AKR1C2: variants seen among roughly 807,000 people sequenced by gnomAD.
AKR1C2 encodes the protein aldo-keto reductase family 1 member C2, also known as 3-alpha-HSD3.
Under a neutral mutation model 39.8 loss-of-function variants are expected in AKR1C2, and 27 were observed. The ratio of observed to expected loss-of-function variants is 0.68; its 90% CI spans 0.50 to 0.93. The LOEUF is 0.93. Among genes scored for constraint, AKR1C2 ranks in the 40% least tolerant of loss-of-function variants. The pLI is 0.00. For synonymous variants in AKR1C2, 114 were observed against 137.9 expected (o/e 0.83, Z 1.22); for missense variants, 263 against 365.1 (o/e 0.72, Z 2.28).
chr10:5,001,969 G>A (rs782081784), intron 1 of AKR1C2, among the ~76,000 whole-genome samples: 19 of 152,158 alleles, frequency 1.2e-4, no homozygotes, highest in Non-Finnish European at 2.5e-4. Context: ...TCAACAGGAC[G>A]CAACTATAGT....
Position 4,995,393 on chromosome 10 carries a change from G to C in AKR1C2, c.772C>G (p.Arg258Gly). 1 of 1,593,364 alleles carries C rather than the reference G, an allele frequency of 6.3e-7. No individual in the cohort carries two copies. The highest frequency in any genetic ancestry group is 1.4e-5 in the African/African-American group (1 of 73,832). Residue 258 changes from arginine (R) to glycine (G), a missense_variant, in exon 7 of 9, where the codon CGC becomes GGC. By Grantham distance (125) the Arg-to-Gly change is moderately radical. Around this residue, in one of 3 missense-constraint regions of AKR1C2, gnomAD observed 5 missense variants for 74.0 expected, o/e 0.07. Coordinates refer to ENST00000380753, the MANE Select transcript of AKR1C2 (RefSeq NM_001393392.1). The stretch of plus-strand genomic sequence containing the variant: ...ACAACCCCACGCTGCAGCTGGTAGC[G>C]CAGGGCAATCAGGGCTGGGGTTCGC... ...HKRTPALIAL[R>G]YQLQRGVVVL...
At chr10:4,990,177 T>C in intron 8 of AKR1C2, 139 bp from the exon 9 acceptor site, 1 of 898,570 alleles carries the variant, frequency 1.1e-6, no homozygotes. Flanking sequence ...TCTGTGTTTC[T>C]TTGTTTAATG....
chr10:5,006,724 A>G (rs1238805591), upstream of AKR1C2: 1 of 150,276 alleles, frequency 6.7e-6, no homozygotes, highest in African/African-American at 2.4e-5. Context: ...GATATATTTA[A>G]TGTGATCAAT....
chr10:4,992,571 G>C (rs1461770586), intron 7 of AKR1C2, among the ~76,000 whole-genome samples: 2 of 152,272 alleles, frequency 1.3e-5, no homozygotes, highest in South Asian at 2.1e-4. Context: ...ATGTAGGTAA[G>C]AAGATTTGTT....
intron 3 of AKR1C2, chr10:5,000,313 G>C (rs1588304421): frequency 6.7e-7 from 1 of 1,495,122 alleles, no homozygotes; most frequent in African/African-American, 1.4e-5. Context: ...TCAAGTTTTT[G>C]AGGCAGAGGC....
chr10:5,005,425 G>A (rs1208929334), upstream of AKR1C2, among the ~76,000 whole-genome samples: 1 of 152,152 alleles, frequency 6.6e-6, no homozygotes, highest in African/African-American at 2.4e-5. Flanking sequence ...GTTCACACCT[G>A]TAATCCCAGC....
intron 1 of AKR1C2, among the ~76,000 whole-genome samples, chr10:5,002,087 C>T (rs1425786342): frequency 2.0e-5 from 3 of 152,214 alleles, no homozygotes; most frequent in Non-Finnish European, 4.4e-5. Context: ...GATTCCTCTC[C>T]CACCATGTTG....
intron 5 of AKR1C2, among the ~76,000 whole-genome samples, chr10:4,996,553 T>TATATAC (rs1273979591): frequency 6.8e-6 from 1 of 147,022 alleles, no homozygotes; most frequent in Non-Finnish European, 1.5e-5. Flanking sequence ...ATATAATATA[T>TATATAC]ATATATATGC....
upstream of AKR1C2, chr10:5,006,099 G>T (rs1224650933): frequency 6.6e-6 from 1 of 152,174 alleles, no homozygotes; most frequent in Non-Finnish European, 1.5e-5. Context: ...GGTCCTAAGG[G>T]ACTTATGGGA....
chr10:4,998,638 G>T lies in AKR1C2; in HGVS notation c.557C>A (p.Pro186His). ...ILNKPGLKYK[P>H]VCNQVECHPY... ...GAGGGCGCTCACCTGGTTGCAGACA[G>T]GCTTGTACTTGAGCCCTGGCTTGTT... The change falls in exon 5 of 9, where the codon CCT (proline) becomes CAT (histidine). Residue 186 changes from proline (P) to histidine (H), a missense_variant. This residue lies in a region of AKR1C2 where 247 missense variants were observed against 267.9 expected (regional missense o/e 0.92). Coordinates refer to ENST00000380753, the MANE Select transcript of AKR1C2 (RefSeq NM_001393392.1). 1.2e-6 allele frequency: 2 copies of T among 1,614,142 alleles called. No homozygotes were observed. The highest frequency in any genetic ancestry group is 1.7e-6 in the Non-Finnish European group (2 of 1,180,008).
upstream of AKR1C2, among the ~76,000 whole-genome samples, chr10:5,005,661 G>A (rs572917539): frequency 1.3e-5 from 2 of 152,122 alleles, no homozygotes; most frequent in South Asian, 4.1e-4. Flanking sequence ...CCATTCTGGT[G>A]ACAGAGCAAG....
At chr10:5,001,411 A>C in intron 2 of AKR1C2, 103 bp downstream of exon 2, 1 of 1,519,392 alleles carries the variant, frequency 6.6e-7, no homozygotes, top group Non-Finnish European at 8.8e-7. Flanking sequence ...ATCGAAATAA[A>C]TAAGCACAAT....
intron 1 of AKR1C2, among the ~76,000 whole-genome samples, chr10:5,011,783 A>T (rs1554774939): frequency 6.6e-6 from 1 of 152,264 alleles, no homozygotes; most frequent in African/African-American, 2.4e-5. Flanking sequence ...AGACCCAATG[A>T]CTGCAACCCT....
intron 7 of AKR1C2, among the ~76,000 whole-genome samples, chr10:4,993,799 A>T (rs1330662303): frequency 6.6e-6 from 1 of 151,370 alleles, no homozygotes; most frequent in Non-Finnish European, 1.5e-5. Flanking sequence ...TATATATTAT[A>T]TAACACATAT....
Position 4,989,643 on chromosome 10 carries a change from C to T in AKR1C2, c.*353G>A. 3.8e-6 allele frequency: 1 copy of T among 264,584 alleles called. No homozygotes were observed. Among genetic ancestry groups the T allele is most frequent in the Non-Finnish European group, 7.1e-6 (1 of 140,652 alleles). 16.4% of individuals were successfully genotyped at this position (264,584 alleles called of 1,614,324 possible). ...CAGAGGGTGAAACTCCACCCACTCC[C>T]ACTGCAGAAATGAATCTTAAATGGT... On this transcript the variant is annotated 3_prime_UTR_variant, in exon 9 of 9. Transcript: ENST00000380753.
At chr10:4,997,806 G>C (rs1554773273) in intron 5 of AKR1C2, among the ~76,000 whole-genome samples, 1 of 152,310 alleles carries the variant, frequency 6.6e-6, no homozygotes, top group South Asian at 2.1e-4. Flanking sequence ...TTTTAATGCT[G>C]AAATGTGTGT....
At chr10:5,003,025 A>G (rs1837318408) in intron 1 of AKR1C2, among the ~76,000 whole-genome samples, 1 of 152,222 alleles carries the variant, frequency 6.6e-6, no homozygotes, top group African/African-American at 2.4e-5. Context: ...CAGTCTTGAG[A>G]TACAAGTTTT....
upstream of AKR1C2, chr10:5,003,963 C>T: frequency 3.1e-6 from 2 of 639,020 alleles, no homozygotes; most frequent in Non-Finnish European, 5.6e-6. Context: ...GGGACAGAGG[C>T]AGTCTTACAC....
intron 7 of AKR1C2, among the ~76,000 whole-genome samples, chr10:4,994,280 C>A (rs767536267): frequency 3.3e-5 from 5 of 151,302 alleles, no homozygotes; most frequent in Admixed American, 6.6e-5. Context: ...TATATATATT[C>A]ATATTCATAC....
Sources: gnomAD v4.1 joint callset for allele counts (sites outside exome capture counted in the v4.1 genomes callset) on GRCh38, gnomAD v4.1.1 for gene constraint, gnomAD v4.1.1 regional missense constraint, MANE v1.5 for transcripts, NCBI Gene and HGNC (gene_info 2026-07-23, HGNC 2026-07-21) for gene names.